FAAH: variants seen among roughly 807,000 people sequenced by gnomAD.
The protein encoded by FAAH is fatty-acid amide hydrolase 1.
FAAH carries 63 observed loss-of-function variants against 69.7 expected under a neutral mutation model. That is an observed-to-expected ratio of 0.90 (90% CI 0.74 to 1.12). The LOEUF (loss-of-function observed/expected upper bound fraction) is 1.12. FAAH is among the 50% of genes most tolerant of loss of function. FAAH has a pLI of 0.00. For missense variants in FAAH, 680 were observed against 755.0 expected (o/e 0.90, Z 1.16); for synonymous variants, 305 against 324.2 (o/e 0.94, Z 0.64).
rs199819281 is a variant in FAAH, at chr1:46,405,421, A to G, written c.494A>G (p.Glu165Gly). The change falls in exon 4 of 15, where the codon GAG becomes GGG. Residue 165 changes from glutamate to glycine, a missense_variant. Physicochemically the swap from Glu to Gly is moderately conservative, Grantham distance 98. Transcript: ENST00000243167. The surrounding 1 kb of genome is among the most constrained non-coding windows in gnomAD (Gnocchi z 4.1). ...GLSLNEGVPA[E>G]CDSVVVHVLK... is the part of the protein sequence containing the mutation. ...AGCCTGAATGAAGGGGTGCCGGCGG[A>G]GTGCGACAGCGTAGTGGTGCATGTG... The G allele has an allele frequency of 2.5e-6, 4 of 1,611,314 alleles. No individual in the cohort carries two copies. Among genetic ancestry groups the G allele is most frequent in the Non-Finnish European group, 3.4e-6 (4 of 1,179,734 alleles).
intron 6 of FAAH, 55 bp downstream of exon 6, chr1:46,406,133 G>C (rs1279697515): frequency 2.5e-6 from 4 of 1,613,230 alleles, no homozygotes; most frequent in African/African-American, 1.3e-5. Context: ...GGCCTGACCC[G>C]CTTCCGCCCG....
intron 9 of FAAH, 100 bp downstream of exon 9, chr1:46,409,298 A>C: frequency 1.1e-6 from 1 of 945,614 alleles, no homozygotes; most frequent in Non-Finnish European, 1.7e-6. Context: ...CCTTAGCTGA[A>C]TCCAACAAAG....
chr1:46,395,760 C>CT (rs1267484974), intron 1 of FAAH, among the ~76,000 whole-genome samples: 1 of 152,186 alleles, frequency 6.6e-6, no homozygotes, highest in Non-Finnish European at 1.5e-5. Context: ...GAACTAGAAC[C>CT]TAGGTGCCCG....
intron 7 of FAAH, 149 bp from the exon 8 acceptor site, chr1:46,408,310 T>C: frequency 9.9e-7 from 1 of 1,006,828 alleles, no homozygotes. Context: ...GAAGGTGTTT[T>C]ATGAAAGGGT....
chr1:46,413,184 C>A lies in FAAH; in HGVS notation c.1575C>A (p.Gly525=), dbSNP rs759439209. 6.2e-7 allele frequency: 1 copy of A among 1,614,160 alleles called. No individual in the cohort carries two copies. Among genetic ancestry groups the A allele is most frequent in the South Asian group, 1.1e-5 (1 of 91,084 alleles). Residue 525 remains glycine, a synonymous_variant, in exon 14 of 15, where the codon GGC becomes GGA. Transcript: ENST00000243167. ...AGGCCCAGATGGAACATTACAGGGG[C>A]TACTTTGGGGATATCTGGGACAAGA... ...EDEAQMEHYR[G]YFGDIWDKML...
rs1664776143 is a variant in FAAH, at chr1:46,405,525, CG to C, written c.578+24del. ...GTTCAGGTTGGGTCTTGGGGTGGGG[CG>C]GGGCGGGGCAGGGGCACCGGTCCCA... On this transcript the variant is annotated intron_variant, in intron 4 of 14. Coordinates refer to ENST00000243167, the MANE Select transcript of FAAH (RefSeq NM_001441.3). The surrounding 1 kb of genome is among the most constrained non-coding windows in gnomAD (Gnocchi z 4.1). 30 of 216,662 alleles carry C rather than the reference CG, an allele frequency of 1.4e-4. No homozygotes were observed. The highest frequency in any genetic ancestry group is 2.8e-4 in the Non-Finnish European group (30 of 105,982). The allele number at this position is 216,662 out of a possible 1,614,324, so 13.4% of individuals were successfully genotyped here. A position where few individuals can be genotyped will look rare whatever the true frequency, so the allele number is the denominator to read the frequency against.
intron 1 of FAAH, among the ~76,000 whole-genome samples, chr1:46,401,848 C>G (rs1664707818): frequency 6.6e-6 from 1 of 152,106 alleles, no homozygotes; most frequent in Admixed American, 6.5e-5. Flanking sequence ...GAGTTCAAGT[C>G]TAGCCTGGGC....
rs1458141397 is a variant in FAAH at position 46,405,752 on chromosome 1, T to C, written c.743T>C (p.Phe248Ser). The C allele has an allele frequency of 1.2e-6, 2 of 1,613,316 alleles. No homozygotes were observed. The highest frequency in any genetic ancestry group is 1.3e-5 in the African/African-American group (1 of 74,926). Residue 248 changes from phenylalanine (F) to serine (S), a missense_variant, in exon 5 of 15, where the codon TTC (phenylalanine) becomes TCC (serine). Coordinates refer to ENST00000243167, the MANE Select transcript of FAAH (RefSeq NM_001441.3). The surrounding 1 kb of genome is among the most constrained non-coding windows in gnomAD (Gnocchi z 4.1). Reference sequence around the variant, plus strand: ...GGCAGCATCCGCTTCCCCTCCTCCTTCTGCGGCATCTGCGGCCTCAAGCCC... The same window carrying C: ...GGCAGCATCCGCTTCCCCTCCTCCTCCTGCGGCATCTGCGGCCTCAAGCCC... ...IGGSIRFPSSFCGICGLKPTG... is the reference protein window; with the variant it reads ...IGGSIRFPSSSCGICGLKPTG...
In FAAH at chr1:46,413,089, A is replaced by C. The variant is rs201884789; in HGVS notation, c.1480A>C (p.Thr494Pro). ...PGRATGAVSY[T>P]MLYNCLDFPA... ...ATGTGTTCCAGGGGCCGTCAGCTACACTATGCTGTACAACTGCCTGGACTT... is the reference window on the plus strand; with the variant it reads ...ATGTGTTCCAGGGGCCGTCAGCTACCCTATGCTGTACAACTGCCTGGACTT... The change falls in exon 14 of 15, where the codon ACT (threonine) becomes CCT (proline). Residue 494 changes from threonine (T) to proline (P), a missense_variant. Thr to Pro is a conservative substitution (Grantham distance 38). Coordinates refer to ENST00000243167, the MANE Select transcript of FAAH (RefSeq NM_001441.3). 14 of 1,614,158 alleles carry C rather than the reference A, an allele frequency of 8.7e-6. No homozygotes were observed. The highest frequency in any genetic ancestry group is 1.2e-5 in the Non-Finnish European group (14 of 1,180,008).
In FAAH at chr1:46,413,469, T is replaced by C; in HGVS notation, c.1634T>C (p.Leu545Pro). 6.2e-7 allele frequency: 1 copy of C among 1,614,142 alleles called. No homozygotes were observed. The highest frequency in any genetic ancestry group is 8.5e-7 in the Non-Finnish European group (1 of 1,180,010). The change falls in exon 15 of 15, where the codon CTG (leucine) becomes CCG (proline). Residue 545 changes from leucine (L) to proline (P), a missense_variant. Leu to Pro is a moderately conservative substitution (Grantham distance 98, BLOSUM62 -3). Coordinates refer to ENST00000243167, the MANE Select transcript of FAAH (RefSeq NM_001441.3). ...LQKGMKKSVG[L>P]PVAVQCVALP... Reference sequence around the variant, plus strand: ...TAGGGCATGAAGAAGAGTGTGGGGCTGCCGGTGGCCGTGCAGTGTGTGGCT... The same window carrying C: ...TAGGGCATGAAGAAGAGTGTGGGGCCGCCGGTGGCCGTGCAGTGTGTGGCT...
At chr1:46,395,272 G>A (rs1414736868) in intron 1 of FAAH, among the ~76,000 whole-genome samples, 2 of 152,230 alleles carry the variant, frequency 1.3e-5, no homozygotes, top group African/African-American at 4.8e-5. Context: ...GATCCTAAGA[G>A]GGAGCCAGAA....
chr1:46,412,940 C>A, intron 13 of FAAH, 135 bp from the exon 14 acceptor site: 1 of 1,090,170 alleles, frequency 9.2e-7, no homozygotes, highest in Non-Finnish European at 1.4e-6. Flanking sequence ...CTTTGTCACT[C>A]AGACCTCAGT....
In FAAH at chr1:46,410,209, T is replaced by G; in HGVS notation, c.1176-189T>G. On this transcript the variant is annotated intron_variant, in intron 9 of 14. Coordinates refer to ENST00000243167, the MANE Select transcript of FAAH (RefSeq NM_001441.3). The surrounding 1 kb of genome is among the most constrained non-coding windows in gnomAD (Gnocchi z 4.9). ...CTGCCTTGGGGAGCTCCCGTGGATG[T>G]GGGTTGCAGCCCAGGCATCCCAAAG... 1 of 670,138 alleles carries G rather than the reference T, an allele frequency of 1.5e-6. No individual in the cohort carries two copies. Among genetic ancestry groups the G allele is most frequent in the East Asian group, 2.6e-5 (1 of 38,198 alleles). The allele number at this position is 670,138 out of a possible 1,614,324, so 41.5% of individuals were successfully genotyped here. A position where few individuals can be genotyped will look rare whatever the true frequency, so the allele number is the denominator to read the frequency against.
At chr1:46,398,545 T>G (rs543196010) in intron 1 of FAAH, among the ~76,000 whole-genome samples, 1 of 152,066 alleles carries the variant, frequency 6.6e-6, no homozygotes, top group South Asian at 2.1e-4. Context: ...GATTCTTTTT[T>G]TTTTTTGAGT....
In FAAH at chr1:46,411,521, T is replaced by C. The variant is rs995851503; in HGVS notation, c.1317-91T>C. ...GGGTTGTGAAGGGTCCACGGAGGGG[T>C]GAGATCTAGAGGGTTGGCAGTAGGG... On this transcript the variant is annotated intron_variant, in intron 11 of 14. Coordinates refer to ENST00000243167, the MANE Select transcript of FAAH (RefSeq NM_001441.3). The surrounding 1 kb of genome is among the most constrained non-coding windows in gnomAD (Gnocchi z 4.8). 156 of 1,357,492 alleles carry C rather than the reference T, an allele frequency of 1.1e-4. No individual in the cohort carries two copies. Among genetic ancestry groups the C allele is most frequent in the Non-Finnish European group, 1.5e-4 (147 of 959,556 alleles). 84.1% of individuals were successfully genotyped at this position (1,357,492 alleles called of 1,614,324 possible).
At chr1:46,402,307 C>T (rs910722458) in intron 2 of FAAH, 103 bp downstream of exon 2, 1 of 1,065,006 alleles carries the variant, frequency 9.4e-7, no homozygotes, top group African/African-American at 1.6e-5. Flanking sequence ...TGGGGAAAAC[C>T]TGGCCTGGAG....
At position 46,405,550 on chromosome 1, in the gene FAAH, C is replaced by T; in HGVS notation, c.579-38C>T. 1 of 1,613,062 alleles carries T rather than the reference C, an allele frequency of 6.2e-7. No individual in the cohort carries two copies. The highest frequency in any genetic ancestry group is 1.1e-5 in the South Asian group (1 of 91,046). On this transcript the variant is annotated intron_variant, in intron 4 of 14. Transcript: ENST00000243167. The surrounding 1 kb of genome is among the most constrained non-coding windows in gnomAD (Gnocchi z 4.1). ...CGGGGCGGGGCAGGGGCACCGGTCCCAGCATGGCACGGGCTGACCCATTCT... is the reference window on the plus strand; with the variant it reads ...CGGGGCGGGGCAGGGGCACCGGTCCTAGCATGGCACGGGCTGACCCATTCT...
At chr1:46,409,372 C>T in intron 9 of FAAH, 174 bp downstream of exon 9, 1 of 652,882 alleles carries the variant, frequency 1.5e-6, no homozygotes, top group Non-Finnish European at 2.8e-6. Context: ...CCTGGAGATC[C>T]CTTGCCAGGG....
In FAAH at chr1:46,394,360, C is replaced by G. The variant is rs1442900810; in HGVS notation, c.12C>G (p.Tyr4Ter). The change falls in exon 1 of 15, where the codon TAC becomes TAG. Residue 4 changes from tyrosine to a stop codon, truncating the protein, a stop_gained. Transcript: ENST00000243167. LOFTEE classifies it high-confidence loss of function. MVQ[Y>*]ELWAALPGAS... is the part of the protein sequence containing the mutation. Reference sequence around the variant, plus strand: ...AGGCTGAAGGGATCATGGTGCAGTACGAGCTGTGGGCCGCGCTGCCTGGCG... The same window carrying G: ...AGGCTGAAGGGATCATGGTGCAGTAGGAGCTGTGGGCCGCGCTGCCTGGCG... The G allele has an allele frequency of 1.9e-6, 3 of 1,554,678 alleles. No homozygotes were observed. The highest frequency in any genetic ancestry group is 1.4e-5 in the African/African-American group (1 of 70,392).
Sources: gnomAD v4.1 joint callset for allele counts (sites outside exome capture counted in the v4.1 genomes callset) on GRCh38, gnomAD v4.1.1 for gene constraint, Gnocchi (gnomAD v3.1) non-coding constraint, MANE v1.5 for transcripts, NCBI Gene and HGNC (gene_info 2026-07-23, HGNC 2026-07-21) for gene names.